Variants in ITGB2 observed in about 807,000 individuals in gnomAD.
ITGB2 encodes integrin subunit beta 2.
In ITGB2, 56 loss-of-function variants were observed where a neutral mutation model predicts 86.8. The ratio of observed to expected loss-of-function variants is 0.65; its 90% CI spans 0.52 to 0.81. ITGB2 has a LOEUF of 0.81. ITGB2 is among the 30% of genes least tolerant of loss of function. The pLI is 0.00. For synonymous variants in ITGB2, 457 were observed against 450.4 expected (o/e 1.01, Z -0.19); for missense variants, 948 against 1,061.2 (o/e 0.89, Z 1.48).
upstream of ITGB2, among the ~76,000 whole-genome samples, chr21:44,921,665 C>A (rs2084307054): frequency 6.6e-6 from 1 of 152,022 alleles, no homozygotes; most frequent in Non-Finnish European, 1.5e-5. Flanking sequence ...ATCTTCAGAG[C>A]AAGGACTCAG....
At position 44,906,794 on chromosome 21, in the gene ITGB2, C is replaced by G. The variant is rs910910104; in HGVS notation, c.328+121G>C. 1.0e-5 allele frequency: 11 copies of G among 1,052,910 alleles called. No individual in the cohort carries two copies. The Admixed American group carries it at 1.6e-4, about 15-fold the overall frequency. The allele number at this position is 1,052,910 out of a possible 1,614,324, so 65.2% of individuals were successfully genotyped here. A position where few individuals can be genotyped will look rare whatever the true frequency, so the allele number is the denominator to read the frequency against. ...TTGGGGCTTCACTGGCCCACACACC[C>G]GTCCGACCCGGACACATGCCTTCTG... On this transcript the variant is annotated intron_variant, in intron 4 of 15. Coordinates refer to ENST00000652462, the MANE Select transcript of ITGB2 (RefSeq NM_000211.5).
Position 44,886,121 on chromosome 21 carries a change from A to C in ITGB2, c.*247T>G, listed in dbSNP as rs1050130791. On this transcript the variant is annotated 3_prime_UTR_variant, in exon 16 of 16. Coordinates refer to ENST00000652462, the MANE Select transcript of ITGB2 (RefSeq NM_000211.5). ...TGACTTGCACAGGAAACACGCACCT[A>C]ACCTCACCAACCTCAAGCCCTCCCT... 1.0e-5 allele frequency: 6 copies of C among 578,036 alleles called. No individual in the cohort carries two copies. The highest frequency in any genetic ancestry group is 1.9e-5 in the Non-Finnish European group (6 of 322,100). 35.8% of individuals were successfully genotyped at this position (578,036 alleles called of 1,614,324 possible).
At chr21:44,925,292 T>A (rs1406883223), upstream of ITGB2, among the ~76,000 whole-genome samples, 1 of 151,888 alleles carries the variant, frequency 6.6e-6, no homozygotes, top group East Asian at 1.9e-4. Context: ...TTTCTTTTTT[T>A]AATAGAGACT....
chr21:44,896,740 C>T (rs1167164083), intron 8 of ITGB2, among the ~76,000 whole-genome samples: 2 of 152,218 alleles, frequency 1.3e-5, no homozygotes, highest in African/African-American at 2.4e-5. Context: ...GGGCGTGGCA[C>T]GTGTGTCCAC....
At chr21:44,900,591 C>T in intron 6 of ITGB2, 116 bp from the exon 7 acceptor site, 2 of 1,290,150 alleles carry the variant, frequency 1.6e-6, no homozygotes, top group Non-Finnish European at 2.2e-6. Context: ...GTGTGGGTCC[C>T]CCTTTCCCCT....
Position 44,888,965 on chromosome 21 carries a change from G to T in ITGB2, c.1878-70C>A, listed in dbSNP as rs1032664751. ...GCTCCGGCAACGGGGGCTCGGGCTTGGGTGTGTGTCCACCAGGGGGGGCAG... is the reference window on the plus strand; with the variant it reads ...GCTCCGGCAACGGGGGCTCGGGCTTTGGTGTGTGTCCACCAGGGGGGGCAG... On this transcript the variant is annotated intron_variant, in intron 13 of 15. Transcript: ENST00000652462. The T allele has an allele frequency of 6.8e-6, 10 of 1,470,792 alleles. No individual in the cohort carries two copies. In the South Asian group the frequency reaches 8.2e-5, roughly 12 times the overall value. 91.1% of individuals were successfully genotyped at this position (1,470,792 alleles called of 1,614,324 possible).
intron 8 of ITGB2, among the ~76,000 whole-genome samples, chr21:44,897,358 G>A (rs967699144): frequency 1.3e-5 from 2 of 152,194 alleles, no homozygotes; most frequent in Non-Finnish European, 2.9e-5. Flanking sequence ...GCAGGGCAGG[G>A]GCTGTGAGGC....
intron 3 of ITGB2, chr21:44,909,553 A>C (rs1192303016): frequency 6.6e-6 from 1 of 152,286 alleles, no homozygotes; most frequent in Non-Finnish European, 1.5e-5. Context: ...GGGTTAGGAG[A>C]TTTGGGGCCT....
intron 12 of ITGB2, 44 bp from the exon 13 acceptor site, chr21:44,889,539 AACCGAGACCCGCCCGAAACCCC>A: frequency 6.6e-7 from 1 of 1,515,288 alleles, no homozygotes; most frequent in Non-Finnish European, 8.9e-7. Context: ...TTGGCCTGGG[AACCGAGACCCGCCCGAAACCCC>A]ACTGCGGTTG....
At chr21:44,927,111 C>T (rs946789465) in intron 1 of ITGB2, 19 of 152,528 alleles carry the variant, frequency 1.2e-4, no homozygotes, top group African/African-American at 4.6e-4. Context: ...CAGCTTCCAC[C>T]CCCATAACAC....
chr21:44,888,666 G>A, intron 14 of ITGB2, 27 bp downstream of exon 14: 1 of 1,602,016 alleles, frequency 6.2e-7, no homozygotes, highest in South Asian at 1.1e-5. Flanking sequence ...TCTGGAGCCG[G>A]TCCCCGCTGC....
chr21:44,897,853 CTG>C (rs1323435490), intron 8 of ITGB2, among the ~76,000 whole-genome samples: 3 of 152,248 alleles, frequency 2.0e-5, no homozygotes, highest in African/African-American at 7.2e-5. Context: ...GGGCCACACA[CTG>C]TGCAGGCTGC....
chr21:44,902,285 G>C (rs2083971319), intron 5 of ITGB2, among the ~76,000 whole-genome samples: 1 of 152,238 alleles, frequency 6.6e-6, no homozygotes, highest in South Asian at 2.1e-4. Flanking sequence ...ATGTGGTCTT[G>C]CACGTGTGTA....
At chr21:44,924,005 C>T (rs921906782), upstream of ITGB2, among the ~76,000 whole-genome samples, 2 of 152,130 alleles carry the variant, frequency 1.3e-5, no homozygotes, top group Non-Finnish European at 2.9e-5. Flanking sequence ...GAGTCAGAAT[C>T]CACAGACAGT....
chr21:44,894,617 T>C lies in ITGB2; in HGVS notation c.1083+354A>G, dbSNP rs545837244. 2.2e-4 allele frequency: 80 copies of C among 364,254 alleles called. 2 individuals carry two copies. The highest frequency in any genetic ancestry group is 1.6e-3 in the African/African-American group (76 of 47,658). 22.6% of individuals were successfully genotyped at this position (364,254 alleles called of 1,614,324 possible). ...GTCTTCCCAGGGCCCAAGTCCACTG[T>C]GGGGGTTTCCTGTGGCCTCCTCCTG... On this transcript the variant is annotated intron_variant, in intron 9 of 15. Coordinates refer to ENST00000652462, the MANE Select transcript of ITGB2 (RefSeq NM_000211.5).
At chr21:44,927,179 C>A (rs1365096042) in intron 1 of ITGB2, among the ~76,000 whole-genome samples, 3 of 152,190 alleles carry the variant, frequency 2.0e-5, no homozygotes, top group African/African-American at 7.2e-5. Context: ...CTGGAAGTTT[C>A]CACGGAGGAG....
At chr21:44,889,180 AG>A in intron 13 of ITGB2, 95 bp downstream of exon 13, 2 of 1,203,822 alleles carry the variant, frequency 1.7e-6, no homozygotes, top group East Asian at 4.7e-5. Flanking sequence ...CGCGGTGCAG[AG>A]GTGCTCACTG....
intron 4 of ITGB2, among the ~76,000 whole-genome samples, chr21:44,904,116 G>A (rs2084007117): frequency 6.6e-6 from 1 of 152,122 alleles, no homozygotes; most frequent in South Asian, 2.1e-4. Flanking sequence ...GTACAAGTCA[G>A]CTCTCCATAA....
chr21:44,902,452 T>A (rs2083975712), intron 5 of ITGB2, among the ~76,000 whole-genome samples: 2 of 151,496 alleles, frequency 1.3e-5, no homozygotes, highest in Admixed American at 1.3e-4. Flanking sequence ...CGTGTGAGCA[T>A]ACATTCATGT....
Sources: gnomAD v4.1 joint callset for allele counts (sites outside exome capture counted in the v4.1 genomes callset) on GRCh38, gnomAD v4.1.1 for gene constraint, MANE v1.5 for transcripts, NCBI Gene and HGNC (gene_info 2026-07-23, HGNC 2026-07-21) for gene names.